DOK4: variants seen among roughly 807,000 people sequenced by gnomAD.
DOK4 encodes downstream of tyrosine kinase 4.
A neutral mutation model predicts 40.1 loss-of-function variants in DOK4; 26 were observed. The observed-to-expected ratio is 0.65, with a 90% CI of 0.48 to 0.90. DOK4 has a LOEUF of 0.90. Among genes scored for constraint, DOK4 ranks in the 40% least tolerant of loss-of-function variants. DOK4 has a pLI of 0.00. For missense variants in DOK4, 392 were observed against 437.2 expected, an observed-to-expected ratio of 0.90 and a Z score of 0.92; for synonymous variants, 179 against 177.0, an observed-to-expected ratio of 1.01 and a Z score of -0.09.
intron 1 of DOK4, among the ~76,000 whole-genome samples, chr16:57,484,449 C>T (rs755916610): frequency 2.6e-5 from 4 of 152,184 alleles, no homozygotes; most frequent in Non-Finnish European, 5.9e-5. Context: ...TAGGGGCCAC[C>T]GGCCAAAACA....
rs1169340047 is a variant in DOK4, at chr16:57,479,752, G to C, written c.-181-64C>G. The stretch of plus-strand genomic sequence containing the variant: ...ATCTTTCTCTTCCTCTCGCTGTCTC[G>C]CTCTCTTTTTTCCTTCCTCTTCCCA... On this transcript the variant is annotated intron_variant, in intron 1 of 8. Transcript: ENST00000340099. The surrounding 1 kb of genome is among the most constrained non-coding windows in gnomAD (Gnocchi z 5.8). The C allele has an allele frequency of 2.3e-6, 1 of 436,152 alleles. No individual in the cohort carries two copies. Among genetic ancestry groups the C allele is most frequent in the East Asian group, 4.5e-5 (1 of 22,228 alleles). 27.0% of individuals were successfully genotyped at this position (436,152 alleles called of 1,614,324 possible).
chr16:57,474,832 TAGC>T (rs761636690), exon 6 of DOK4: 2 of 1,614,110 alleles, frequency 1.2e-6, no homozygotes, highest in Non-Finnish European at 1.7e-6. Flanking sequence ...ATCCCGGCCA[TAGC>T]GGCGCAGTGA....
intron 2 of DOK4, among the ~76,000 whole-genome samples, chr16:57,477,031 G>A (rs976016656): frequency 1.2e-4 from 18 of 152,224 alleles, no homozygotes; most frequent in Admixed American, 5.9e-4. Flanking sequence ...CCAAAAGCCC[G>A]ACAGAGCCTG....
intron 2 of DOK4, among the ~76,000 whole-genome samples, chr16:57,477,906 T>A (rs2031254634): frequency 6.6e-6 from 1 of 152,072 alleles, no homozygotes; most frequent in South Asian, 2.1e-4. Flanking sequence ...ATGCCCCACC[T>A]CCCCATCCAG....
rs2030989853 is a variant in DOK4, at chr16:57,473,662, C to T, written c.813G>A (p.Trp271Ter). 1 of 1,614,232 alleles carries T rather than the reference C, an allele frequency of 6.2e-7. No homozygotes were observed. Among genetic ancestry groups the T allele is most frequent in the Non-Finnish European group, 8.5e-7 (1 of 1,180,046 alleles). ...TGTTCTGGGAACCAGTGATGTGGTG[C>T]CAGTAGGCACTGCGCGGCAGCATGG... is the stretch of plus-strand genomic sequence containing the variant. The change falls in exon 8 of 9, where the codon TGG (tryptophan) becomes TGA (stop). Residue 271 changes from tryptophan (W) to a stop codon, truncating the protein, a stop_gained. Coordinates refer to ENST00000340099, the Ensembl canonical transcript of DOK4. LOFTEE classifies it high-confidence loss of function.
At chr16:57,473,932 C>A (rs142650688) in exon 7 of DOK4, 1 of 1,613,920 alleles carries the variant, frequency 6.2e-7, no homozygotes, top group Non-Finnish European at 8.5e-7. Flanking sequence ...CAGCAGGACC[C>A]GCTTGTGCTG....
chr16:57,482,328 A>C (rs1486677062), intron 1 of DOK4, among the ~76,000 whole-genome samples: 1 of 141,254 alleles, frequency 7.1e-6, no homozygotes, highest in African/African-American at 2.7e-5. Context: ...TGCCCAGCTA[A>C]TTTTTAAAAA....
At chr16:57,475,685 T>TCA in intron 3 of DOK4, 65 bp from the exon 4 acceptor site, 1 of 873,370 alleles carries the variant, frequency 1.1e-6, no homozygotes, top group Non-Finnish European at 1.7e-6. Flanking sequence ...TCTCTCTCTC[T>TCA]CTCTCTCTCT....
exon 9 of DOK4, chr16:57,473,489 C>A (rs142112475): frequency 1.2e-6 from 2 of 1,614,184 alleles, no homozygotes; most frequent in South Asian, 1.1e-5. Flanking sequence ...TGCCCCATAC[C>A]CCTCACCTGT....
intron 7 of DOK4, 71 bp downstream of exon 7, chr16:57,473,830 A>G: frequency 1.8e-5 from 29 of 1,599,756 alleles, no homozygotes; most frequent in Non-Finnish European, 2.5e-5. Flanking sequence ...TGTGTACCCC[A>G]GGCACTTGGC....
chr16:57,476,578 T>C (rs971503008), intron 2 of DOK4, among the ~76,000 whole-genome samples: 2 of 152,190 alleles, frequency 1.3e-5, no homozygotes, highest in Admixed American at 6.5e-5. Context: ...TGAGGGTCTT[T>C]ACAAAGGTAA....
chr16:57,475,601 A>G (rs2146631702), exon 4 of DOK4: 2 of 1,600,614 alleles, frequency 1.2e-6, no homozygotes, highest in East Asian at 4.5e-5. Flanking sequence ...AACACACTTG[A>G]CGTTGCTGAT....
Position 57,475,725 on chromosome 16 carries a change from T to C in DOK4, c.175-105A>G, listed in dbSNP as rs537192188. 1,100 of 414,340 alleles carry C rather than the reference T, an allele frequency of 2.7e-3. 9 individuals carry two copies. Among genetic ancestry groups the C allele is most frequent in the African/African-American group, 0.026 (740 of 28,318 alleles). 25.7% of individuals were successfully genotyped at this position (414,340 alleles called of 1,614,324 possible). A position where few individuals can be genotyped will look rare whatever the true frequency, so the allele number is the denominator to read the frequency against. On this transcript the variant is annotated intron_variant, in intron 3 of 8. Transcript: ENST00000340099. ...CCCTCCCTCTCTCCCCCCTCCTCCT[T>C]CTCTCTCCTCCTCTCCCTCTCTCCC...
Position 57,475,970 on chromosome 16 carries a change from A to T in DOK4, c.67-13T>A, listed in dbSNP as rs751569926. 15 of 1,607,802 alleles carry T rather than the reference A, an allele frequency of 9.3e-6. No individual in the cohort carries two copies. Among genetic ancestry groups the T allele is most frequent in the Non-Finnish European group, 1.3e-5 (15 of 1,176,922 alleles). ...ACCTCCGGTAGATCTGTGGAGCGAG[A>T]TGACAGGGCTCAGGCCTCCCTGGAC... is the stretch of plus-strand genomic sequence containing the variant. On this transcript the variant is annotated splice_polypyrimidine_tract_variant and intron_variant, in intron 2 of 8. Transcript: ENST00000340099.
exon 3 of DOK4, chr16:57,475,929 C>T (rs771730553): frequency 1.2e-5 from 20 of 1,613,388 alleles, no homozygotes; most frequent in Non-Finnish European, 1.5e-5. Flanking sequence ...GGAGGATTTC[C>T]GGAACACCAG....
Position 57,473,703 on chromosome 16 carries a change from G to C in DOK4, c.772C>G (p.Pro258Ala), listed in dbSNP as rs750361158. The C allele has an allele frequency of 8.7e-6, 14 of 1,613,956 alleles. No homozygotes were observed. In the South Asian group the frequency reaches 1.5e-4, roughly 18 times the overall value. Reference sequence around the variant, plus strand: ...GGCAGCATGGTCGTGGGTGTGCAGGGATACGAGTAATGTTCCGTGCCCTTG... The same window carrying C: ...GGCAGCATGGTCGTGGGTGTGCAGGCATACGAGTAATGTTCCGTGCCCTTG... Residue 258 changes from proline to alanine, a missense_variant, in exon 8 of 9, where the codon CCC (proline) becomes GCC (alanine). Coordinates refer to ENST00000340099, the Ensembl canonical transcript of DOK4.
Position 57,475,787 on chromosome 16 carries a change from T to TCTCTCCCCTCTCTCC in DOK4, c.174+62_174+63insGGAGAGAGGGGAGAG. ...TCTCTCCCTCTCTCCCCTCTCTCCCTCTCTCTCTCTCCATCCCCCACAGCC... is the reference window on the plus strand; with the variant it reads ...TCTCTCCCTCTCTCCCCTCTCTCCCTCTCTCCCCTCTCTCCCTCTCTCTCTCCATCCCCCACAGCC... On this transcript the variant is annotated intron_variant, in intron 3 of 8. Coordinates refer to ENST00000340099, the Ensembl canonical transcript of DOK4. 5 of 743,018 alleles carry TCTCTCCCCTCTCTCC rather than the reference T, an allele frequency of 6.7e-6. No individual in the cohort carries two copies. The Admixed American group carries it at 1.1e-4, about 16-fold the overall frequency. The allele number at this position is 743,018 out of a possible 1,614,324, so 46.0% of individuals were successfully genotyped here.
exon 3 of DOK4, chr16:57,475,879 TCTC>T: frequency 6.2e-7 from 1 of 1,612,788 alleles, no homozygotes; most frequent in Non-Finnish European, 8.5e-7. Flanking sequence ...CACACCGACT[TCTC>T]ATCTGGATAC....
chr16:57,477,666 A>G (rs997559497), intron 2 of DOK4, among the ~76,000 whole-genome samples: 13 of 152,154 alleles, frequency 8.5e-5, no homozygotes, highest in African/African-American at 3.1e-4. Context: ...CCCACTTCGC[A>G]CAGGGCTTTG....
Sources: allele counts gnomAD v4.1 joint callset (sites outside exome capture counted in the v4.1 genomes callset), GRCh38; gene constraint gnomAD v4.1.1; non-coding constraint Gnocchi (gnomAD v3.1); transcripts MANE v1.5; gene names NCBI Gene and HGNC (gene_info 2026-07-23, HGNC 2026-07-21).